ESRRG: variants seen among roughly 807,000 people sequenced by gnomAD.
ESRRG encodes estrogen-related receptor gamma.
A neutral mutation model predicts 44.0 loss-of-function variants in ESRRG; 13 were observed. That is an observed-to-expected ratio of 0.30 (90% CI 0.19 to 0.47). The LOEUF is 0.47. ESRRG is among the 20% of genes least tolerant of loss of function. The probability of loss-of-function intolerance (pLI) is 1.00; values close to 1 mark genes in which losing one functional copy is unlikely to be tolerated. For synonymous variants in ESRRG, 215 were observed against 214.6 expected, an observed-to-expected ratio of 1.00 and a Z score of -0.02; for missense variants, 395 against 580.6, an observed-to-expected ratio of 0.68 and a Z score of 3.29.
chr1:216,957,382 CATTT>C (rs2068152695), intron 1 of ESRRG, among the ~76,000 whole-genome samples: 1 of 152,174 alleles, frequency 6.6e-6, no homozygotes, highest in Admixed American at 6.5e-5. Flanking sequence ...CTACTCAGCA[CATTT>C]ATTTGGATCG....
At chr1:217,059,732 G>A (rs1483063829) in intron 1 of ESRRG, among the ~76,000 whole-genome samples, 1 of 152,020 alleles carries the variant, frequency 6.6e-6, no homozygotes, top group East Asian at 1.9e-4. Flanking sequence ...AATACAGGGG[G>A]CAGAGGGACA....
intron 2 of ESRRG, among the ~76,000 whole-genome samples, chr1:216,875,285 GAAT>G (rs2096332353): frequency 6.6e-6 from 1 of 152,052 alleles, no homozygotes; most frequent in Non-Finnish European, 1.5e-5. Context: ...TTTAGAAGTT[GAAT>G]AATTATCCCA....
At chr1:216,593,889 C>A (rs552972369) in intron 3 of ESRRG, among the ~76,000 whole-genome samples, 15 of 152,152 alleles carry the variant, frequency 9.9e-5, no homozygotes, top group African/African-American at 3.6e-4. Flanking sequence ...CAGCAACATG[C>A]CCAGCTAAAT....
At chr1:216,978,888 G>A (rs1033186096) in intron 1 of ESRRG, among the ~76,000 whole-genome samples, 2 of 152,066 alleles carry the variant, frequency 1.3e-5, no homozygotes, top group African/African-American at 4.8e-5. Flanking sequence ...CAAATTCTGG[G>A]AGCTGATCAG....
chr1:216,893,656 T>A (rs894673811), intron 2 of ESRRG, among the ~76,000 whole-genome samples: 2 of 151,984 alleles, frequency 1.3e-5, no homozygotes, highest in African/African-American at 4.8e-5. Context: ...TAGAAATGTA[T>A]AAGATGTAAA....
At chr1:217,067,242 G>T (rs4846809) in intron 1 of ESRRG, among the ~76,000 whole-genome samples, 20,818 of 152,064 alleles carry the variant, frequency 0.14, 2,144 homozygotes, top group East Asian at 0.59. Flanking sequence ...ATGAATGTAG[G>T]CAATATTTTC....
intron 1 of ESRRG, among the ~76,000 whole-genome samples, chr1:217,126,516 T>C (rs1473177517): frequency 1.3e-5 from 2 of 152,140 alleles, no homozygotes; most frequent in African/African-American, 2.4e-5. Flanking sequence ...TATGGAAATA[T>C]TGTTGGCCAA....
chr1:217,122,794 C>T (rs2092838146), intron 1 of ESRRG, among the ~76,000 whole-genome samples: 1 of 151,874 alleles, frequency 6.6e-6, no homozygotes, highest in Non-Finnish European at 1.5e-5. Context: ...CCTCAGCCTC[C>T]CGAGTAGCTG....
chr1:216,521,553 T>C (rs2046089631), intron 5 of ESRRG, among the ~76,000 whole-genome samples: 1 of 152,190 alleles, frequency 6.6e-6, no homozygotes, highest in South Asian at 2.1e-4. Context: ...AGTCGCAGTT[T>C]CTCTGCAGCA....
intron 2 of ESRRG, among the ~76,000 whole-genome samples, chr1:216,926,834 T>C (rs1032002001): frequency 6.6e-6 from 1 of 152,144 alleles, no homozygotes; most frequent in Admixed American, 6.5e-5. Context: ...TCCGGTCAAA[T>C]GAGTAGCCAG....
At chr1:216,961,383 AT>A (rs2069018789) in intron 1 of ESRRG, among the ~76,000 whole-genome samples, 1 of 152,192 alleles carries the variant, frequency 6.6e-6, no homozygotes, top group South Asian at 2.1e-4. Context: ...CCATAAAAAA[AT>A]GATAAAGTCT....
chr1:216,721,460 T>C (rs2086260515), intron 1 of ESRRG, among the ~76,000 whole-genome samples: 2 of 152,352 alleles, frequency 1.3e-5, no homozygotes, highest in South Asian at 2.1e-4. Context: ...CAGAACTGCA[T>C]CCAGACAATA....
chr1:217,047,197 T>C (rs969141209), intron 1 of ESRRG, among the ~76,000 whole-genome samples: 8 of 152,134 alleles, frequency 5.3e-5, no homozygotes, highest in African/African-American at 1.7e-4. Flanking sequence ...ATCTACCAAC[T>C]TTATGATTAT....
intron 1 of ESRRG, chr1:217,000,143 T>C (rs1472321468): frequency 6.6e-6 from 1 of 152,234 alleles, no homozygotes; most frequent in Non-Finnish European, 1.5e-5. Context: ...TGAATGCTGC[T>C]TAATGCTTGC....
At chr1:216,573,749 A>G (rs1213503687) in intron 3 of ESRRG, among the ~76,000 whole-genome samples, 2 of 151,994 alleles carry the variant, frequency 1.3e-5, no homozygotes, top group Non-Finnish European at 2.9e-5. Context: ...ACAGAAACAA[A>G]TCAAAATTCT....
intron 1 of ESRRG, among the ~76,000 whole-genome samples, chr1:217,115,040 C>T (rs2092706118): frequency 6.6e-6 from 1 of 151,986 alleles, no homozygotes; most frequent in African/African-American, 2.4e-5. Context: ...CTCCGTGCTG[C>T]TGAGGGAAAG....
rs6676894 is a variant in ESRRG at position 216,593,342 on chromosome 1, A to C, written c.590-25244T>G. Among the ~76,000 whole-genome samples, 634 of 152,332 alleles carry C rather than the reference A, an allele frequency of 4.2e-3. 6 individuals are homozygous for C. The highest frequency in any genetic ancestry group is 0.013 in the African/African-American group (535 of 41,584). ...TTATACTTGTTGGTGAATTCCATAT[A>C]TTTGAGGCACAACTTTACTGTTTTA... On this transcript the variant is annotated intron_variant, in intron 3 of 6. Transcript: ENST00000408911.
chr1:217,088,099 T>C (rs2151539768), intron 1 of ESRRG, among the ~76,000 whole-genome samples: 1 of 152,252 alleles, frequency 6.6e-6, no homozygotes, highest in African/African-American at 2.4e-5. Flanking sequence ...AATCCCATTT[T>C]TCTGTCTTTT....
At chr1:217,019,267 T>G (rs192493403) in intron 1 of ESRRG, among the ~76,000 whole-genome samples, 1 of 152,258 alleles carries the variant, frequency 6.6e-6, no homozygotes, top group East Asian at 1.9e-4. Flanking sequence ...AGACAAAGAT[T>G]AGAATTTAGC....
Sources: gnomAD v4.1 joint callset for allele counts (sites outside exome capture counted in the v4.1 genomes callset) on GRCh38, gnomAD v4.1.1 for gene constraint, MANE v1.5 for transcripts, NCBI Gene and HGNC (gene_info 2026-07-23, HGNC 2026-07-21) for gene names.